Variants in MECOM observed in about 807,000 individuals in gnomAD.
MECOM encodes MDS1 and EVI1 complex locus.
A neutral mutation model predicts 116.3 loss-of-function variants in MECOM; 13 were observed. The observed-to-expected ratio is 0.11, with a 90% CI of 0.07 to 0.18. MECOM has a LOEUF of 0.18. MECOM is among the 10% of genes least tolerant of loss of function. The probability of loss-of-function intolerance (pLI) is 1.00; values close to 1 mark genes in which losing one functional copy is unlikely to be tolerated. For missense variants in MECOM, 1,299 were observed against 1,509.0 expected (o/e 0.86, Z 2.31); for synonymous variants, 528 against 535.2 (o/e 0.99, Z 0.19).
chr3:169,159,638 A>G (rs1433846234), intron 2 of MECOM, among the ~76,000 whole-genome samples: 3 of 152,214 alleles, frequency 2.0e-5, no homozygotes, highest in Non-Finnish European at 4.4e-5. Flanking sequence ...AAGTATATAA[A>G]GCACTTAGTG....
intron 2 of MECOM, among the ~76,000 whole-genome samples, chr3:169,292,986 A>G (rs1714875847): frequency 6.6e-6 from 1 of 152,112 alleles, no homozygotes. Flanking sequence ...AATGTGGACC[A>G]CCTAAGCTCA....
At chr3:169,167,147 A>T (rs191426929) in intron 2 of MECOM, among the ~76,000 whole-genome samples, 1 of 152,254 alleles carries the variant, frequency 6.6e-6, no homozygotes, top group African/African-American at 2.4e-5. Context: ...GCTAATTTTT[A>T]AAAAAATTTT....
At chr3:169,252,641 T>C (rs989016421) in intron 2 of MECOM, among the ~76,000 whole-genome samples, 3 of 152,236 alleles carry the variant, frequency 2.0e-5, no homozygotes, top group East Asian at 3.9e-4. Context: ...GTCTACACTT[T>C]TACTGGGAAA....
chr3:169,579,323 C>G (rs1240963589), intron 1 of MECOM, among the ~76,000 whole-genome samples: 4 of 152,090 alleles, frequency 2.6e-5, no homozygotes, highest in African/African-American at 7.2e-5. Context: ...TGAGTGACAG[C>G]AGGAAGATTT....
intron 1 of MECOM, among the ~76,000 whole-genome samples, chr3:169,388,017 G>A (rs902320435): frequency 6.6e-6 from 1 of 151,932 alleles, no homozygotes; most frequent in African/African-American, 2.4e-5. Context: ...GGGCCCAAGC[G>A]CCAGTACTTT....
chr3:169,499,346 C>CAAAAAAAA (rs60302997), intron 1 of MECOM, among the ~76,000 whole-genome samples: 2 of 51,568 alleles, frequency 3.9e-5, no homozygotes, highest in Non-Finnish European at 3.6e-5. Flanking sequence ...AGATTACCCA[C>CAAAAAAAA]AAAAAAAAAA....
intron 2 of MECOM, among the ~76,000 whole-genome samples, chr3:169,335,381 A>T (rs1214563512): frequency 6.6e-6 from 1 of 152,160 alleles, no homozygotes; most frequent in African/African-American, 2.4e-5. Context: ...CCTTCAGCTC[A>T]TGATAATCTT....
At chr3:169,582,445 C>T (rs1039064536) in intron 1 of MECOM, among the ~76,000 whole-genome samples, 2 of 151,928 alleles carry the variant, frequency 1.3e-5, no homozygotes, top group African/African-American at 4.8e-5. Context: ...AAAATGAACG[C>T]AGAGTGGTTA....
intron 1 of MECOM, among the ~76,000 whole-genome samples, chr3:169,402,955 G>A (rs1379849524): frequency 6.6e-6 from 1 of 152,094 alleles, no homozygotes; most frequent in Non-Finnish European, 1.5e-5. Context: ...AGTTTTGATA[G>A]GCACTTATTA....
chr3:169,122,813 A>G (rs1731489943), intron 5 of MECOM, 86 bp from the exon 6 acceptor site: 1 of 1,457,836 alleles, frequency 6.9e-7, no homozygotes, highest in Non-Finnish European at 9.4e-7. Flanking sequence ...CTGGTAATTA[A>G]AGAAACAAGA....
At chr3:169,313,998 C>G (rs1335930135) in intron 2 of MECOM, among the ~76,000 whole-genome samples, 1 of 152,194 alleles carries the variant, frequency 6.6e-6, no homozygotes, top group South Asian at 2.1e-4. Flanking sequence ...CTACCACATC[C>G]TAACCTAACA....
At chr3:169,101,445 C>T (rs900229392) in intron 11 of MECOM, among the ~76,000 whole-genome samples, 3 of 151,960 alleles carry the variant, frequency 2.0e-5, no homozygotes, top group African/African-American at 7.3e-5. Context: ...AGGTATGTAC[C>T]CATAAAAGCT....
intron 1 of MECOM, among the ~76,000 whole-genome samples, chr3:169,518,907 C>T (rs954128649): frequency 6.6e-6 from 1 of 152,194 alleles, no homozygotes; most frequent in African/African-American, 2.4e-5. Context: ...ACATGACTTG[C>T]TCCTCCTTGC....
chr3:169,610,088 T>C (rs1769064365), intron 1 of MECOM, among the ~76,000 whole-genome samples: 1 of 152,220 alleles, frequency 6.6e-6, no homozygotes, highest in African/African-American at 2.4e-5. Context: ...AATCACCTTC[T>C]ACCTAAACTA....
intron 1 of MECOM, among the ~76,000 whole-genome samples, chr3:169,619,786 T>C (rs1770478255): frequency 6.6e-6 from 1 of 152,212 alleles, no homozygotes; most frequent in Non-Finnish European, 1.5e-5. Context: ...GTTTTTAAAA[T>C]ATTATTTATA....
intron 1 of MECOM, among the ~76,000 whole-genome samples, chr3:169,647,577 C>G (rs1322730915): frequency 6.6e-6 from 1 of 152,054 alleles, no homozygotes; most frequent in African/African-American, 2.4e-5. Flanking sequence ...GCATCTGGAA[C>G]AAATATTGTG....
intron 9 of MECOM, among the ~76,000 whole-genome samples, chr3:169,111,496 A>C (rs1727394718): frequency 6.6e-6 from 1 of 152,170 alleles, no homozygotes; most frequent in Non-Finnish European, 1.5e-5. Context: ...GAAACTTTAC[A>C]AGTACTATTT....
chr3:169,647,313 T>G (rs957096392), intron 1 of MECOM, among the ~76,000 whole-genome samples: 1 of 152,158 alleles, frequency 6.6e-6, no homozygotes, highest in African/African-American at 2.4e-5. Context: ...CATAGAGATG[T>G]GAGGATTAAC....
chr3:169,194,665 C>T (rs1297340388), intron 2 of MECOM, among the ~76,000 whole-genome samples: 1 of 151,938 alleles, frequency 6.6e-6, no homozygotes, highest in Admixed American at 6.6e-5. Flanking sequence ...CTGACACTGC[C>T]AAGAAACTAA....
Sources: allele counts gnomAD v4.1 joint callset (sites outside exome capture counted in the v4.1 genomes callset), GRCh38; gene constraint gnomAD v4.1.1; transcripts MANE v1.5; gene names NCBI Gene and HGNC (gene_info 2026-07-23, HGNC 2026-07-21).